Variants in BUD23 observed in about 807,000 individuals in gnomAD.
The protein encoded by BUD23 is BUD23 rRNA methyltransferase and ribosome maturation factor.
Under a neutral mutation model 47.0 loss-of-function variants are expected in BUD23, and 34 were observed. That is an observed-to-expected ratio of 0.72 (90% CI 0.55 to 0.96). BUD23 has a LOEUF of 0.96. Ranked by LOEUF, BUD23 falls within the 40% of genes least tolerant of loss-of-function variation. The probability of loss-of-function intolerance (pLI) is 0.00; values close to 1 mark genes in which losing one functional copy is unlikely to be tolerated. For synonymous variants in BUD23, 124 were observed against 132.0 expected (o/e 0.94, Z 0.41); for missense variants, 343 against 361.2 (o/e 0.95, Z 0.41).
rs1358598495 is a variant in BUD23 at position 73,686,011 on chromosome 7, G to A, written c.87-625G>A. Among the ~76,000 whole-genome samples the A allele has an allele frequency of 3.3e-5, 5 of 151,670 alleles. No individual in the cohort carries two copies. In the South Asian group the frequency reaches 1.0e-3, roughly 32 times the overall value. On this transcript the variant is annotated intron_variant, in intron 2 of 11. Coordinates refer to ENST00000265758, the MANE Select transcript of BUD23 (RefSeq NM_017528.5). The stretch of plus-strand genomic sequence containing the variant: ...CTGGGGAAGCTGAGGCAGGAGAATG[G>A]CATTAACCCGGGAGGCGGAGCTTGC...
At chr7:73,688,928 T>C (rs1344527072) in intron 5 of BUD23, among the ~76,000 whole-genome samples, 2 of 152,080 alleles carry the variant, frequency 1.3e-5, no homozygotes, top group African/African-American at 2.4e-5. Context: ...AGCAGATGCT[T>C]TTTGGTAATG....
intron 5 of BUD23, among the ~76,000 whole-genome samples, chr7:73,687,325 G>A (rs1404026292): frequency 1.3e-5 from 2 of 152,112 alleles, no homozygotes; most frequent in Non-Finnish European, 2.9e-5. Flanking sequence ...TCACCAGGCT[G>A]GAGTGCAGTG....
Position 73,683,809 on chromosome 7 carries a change from G to A in BUD23, c.86+5G>A, listed in dbSNP as rs781855194. On this transcript the variant is annotated splice_donor_5th_base_variant and intron_variant, in intron 2 of 11. Transcript: ENST00000265758. ...AGCCCGGAAATACGTTCGCAAGTGA[G>A]GGGAGCCTGAATACTGCGGGGCGTC... The A allele has an allele frequency of 5.0e-6, 8 of 1,614,224 alleles. No homozygotes were observed. The highest frequency in any genetic ancestry group is 6.8e-6 in the Non-Finnish European group (8 of 1,180,056).
chr7:73,697,184 C>T, intron 10 of BUD23: 1 of 490,192 alleles, frequency 2.0e-6, no homozygotes. Flanking sequence ...ACCCTCCTTT[C>T]CATCCCTGTC....
At chr7:73,695,482 C>G (rs1242276874) in intron 10 of BUD23, 1 of 152,112 alleles carries the variant, frequency 6.6e-6, no homozygotes, top group African/African-American at 2.4e-5. Flanking sequence ...AACTCCTGAC[C>G]TCGTGATTCG....
At chr7:73,683,842 C>T in intron 2 of BUD23, 38 bp downstream of exon 2, 2 of 1,614,028 alleles carry the variant, frequency 1.2e-6, no homozygotes, top group Non-Finnish European at 1.7e-6. Context: ...GTCCGGGGGT[C>T]GGGAAGCGGC....
At chr7:73,691,122 G>T in intron 6 of BUD23, 110 bp downstream of exon 6, 1 of 912,420 alleles carries the variant, frequency 1.1e-6, no homozygotes, top group Non-Finnish European at 1.8e-6. Flanking sequence ...ACTCATATGG[G>T]ACCGCATGGG....
intron 2 of BUD23, among the ~76,000 whole-genome samples, chr7:73,684,398 G>A (rs536347463): frequency 4.0e-5 from 6 of 150,874 alleles, no homozygotes; most frequent in South Asian, 4.3e-4. Flanking sequence ...AAAATTAGCC[G>A]GGTGTGGTGG....
chr7:73,697,854 T>G lies in BUD23; in HGVS notation c.814T>G (p.Tyr272Asp), dbSNP rs782087405. The G allele has an allele frequency of 5.0e-6, 8 of 1,613,978 alleles. No homozygotes were observed. Among genetic ancestry groups the G allele is most frequent in the Non-Finnish European group, 4.2e-6 (5 of 1,179,984 alleles). The change falls in exon 12 of 12, where the codon TAC becomes GAC. Residue 272 changes from tyrosine (Y) to aspartate (D), a missense_variant. Physicochemically the swap from Tyr to Asp is radical, Grantham distance 160 (BLOSUM62 -3). Coordinates refer to ENST00000265758, the MANE Select transcript of BUD23 (RefSeq NM_017528.5). ...CAGGGAAGTCAGACCTGACACCCAG[T>G]ACACCGGCCGCAAGCGCAAGCCCCG... ...QGREVRPDTQ[Y>D]TGRKRKPRF
intron 7 of BUD23, 99 bp from the exon 8 acceptor site, chr7:73,693,230 T>C (rs937121150): frequency 8.8e-7 from 1 of 1,134,128 alleles, no homozygotes; most frequent in Non-Finnish European, 1.3e-6. Flanking sequence ...CAGGCAGGAT[T>C]TGTCCTGGAG....
Position 73,687,218 on chromosome 7 carries a change from G to C in BUD23, c.362+123G>C, listed in dbSNP as rs1381055563. ...CAGCCTCCACCTCCTGGGTTCAGGT[G>C]ATCTGCCCACCTCAGTCTCCTGAGT... is the stretch of plus-strand genomic sequence containing the variant. On this transcript the variant is annotated intron_variant, in intron 5 of 11. Coordinates refer to ENST00000265758, the MANE Select transcript of BUD23 (RefSeq NM_017528.5). The C allele has an allele frequency of 3.0e-6, 3 of 985,088 alleles. No individual in the cohort carries two copies. The East Asian group carries it at 7.8e-5, about 26-fold the overall frequency. 61.0% of individuals were successfully genotyped at this position (985,088 alleles called of 1,614,324 possible).
rs1554615221 is a variant in BUD23 at position 73,697,927 on chromosome 7, T to C, written c.*41T>C. 1 of 1,572,782 alleles carries C rather than the reference T, an allele frequency of 6.4e-7. No homozygotes were observed. On this transcript the variant is annotated 3_prime_UTR_variant, in exon 12 of 12. Transcript: ENST00000265758. ...TGGAAAGGCACTTGCCTCTGCACTT[T>C]TCTATATTGTTCAGCTGACAAAGTA...
chr7:73,694,516 T>TG (rs1444780728), intron 10 of BUD23: 1 of 154,502 alleles, frequency 6.5e-6, no homozygotes, highest in Admixed American at 6.5e-5. Flanking sequence ...ACCCCGTTGT[T>TG]GCTTCCCTTC....
chr7:73,683,896 T>A, intron 2 of BUD23, 92 bp downstream of exon 2: 1 of 1,610,554 alleles, frequency 6.2e-7, no homozygotes, highest in Non-Finnish European at 8.5e-7. Flanking sequence ...GCCGTAGAAT[T>A]TGGGGGTGCG....
At chr7:73,692,213 T>A (rs1798221726) in intron 6 of BUD23, among the ~76,000 whole-genome samples, 1 of 152,196 alleles carries the variant, frequency 6.6e-6, no homozygotes, top group African/African-American at 2.4e-5. Flanking sequence ...TGTTTCCTCT[T>A]CTCCCTGCTG....
At chr7:73,683,956 C>CT in intron 2 of BUD23, 152 bp downstream of exon 2, 71 of 1,538,378 alleles carry the variant, frequency 4.6e-5, no homozygotes, top group Non-Finnish European at 6.0e-5. Flanking sequence ...GGTAAATCAA[C>CT]TTTAAGTTGC....
At chr7:73,684,923 C>CAAAAAAAAAA (rs56229090) in intron 2 of BUD23, among the ~76,000 whole-genome samples, 2 of 49,138 alleles carry the variant, frequency 4.1e-5, no homozygotes, top group East Asian at 7.2e-4. Context: ...GACTTTGTTT[C>CAAAAAAAAAA]AAAAAAAAAA....
intron 6 of BUD23, among the ~76,000 whole-genome samples, chr7:73,691,268 AAT>A (rs1554613981): frequency 6.6e-6 from 1 of 152,202 alleles, no homozygotes; most frequent in Non-Finnish European, 1.5e-5. Flanking sequence ...ATTAACTTGT[AAT>A]AGGGCCTACT....
chr7:73,689,235 G>A (rs576381294), intron 5 of BUD23, among the ~76,000 whole-genome samples: 2 of 152,270 alleles, frequency 1.3e-5, no homozygotes, highest in South Asian at 4.1e-4. Context: ...TTTTAGTAGA[G>A]ATGGGGTTTC....
Sources: gnomAD v4.1 joint callset for allele counts (sites outside exome capture counted in the v4.1 genomes callset) on GRCh38, gnomAD v4.1.1 for gene constraint, MANE v1.5 for transcripts, NCBI Gene and HGNC (gene_info 2026-07-23, HGNC 2026-07-21) for gene names.